The following NAGA variants were observed in gnomAD, a reference collection of about 807,000 sequenced individuals.
NAGA encodes alpha-N-acetylgalactosaminidase.
In NAGA, 42 loss-of-function variants were observed where a neutral mutation model predicts 45.6. The ratio of observed to expected loss-of-function variants is 0.92; its 90% confidence interval spans 0.72 to 1.19. The LOEUF is 1.19. Among genes scored for constraint, NAGA ranks in the 50% most tolerant of loss-of-function variants. NAGA has a pLI of 0.00. For missense variants in NAGA, 493 were observed against 544.8 expected (o/e 0.90, Z 0.95); for synonymous variants, 176 against 203.1 (o/e 0.87, Z 1.13).
intron 7 of NAGA, 113 bp from the exon 8 acceptor site, chr22:42,061,180 C>T: frequency 7.2e-7 from 1 of 1,382,454 alleles, no homozygotes; most frequent in Non-Finnish European, 1.0e-6. Context: ...CCATGTCACA[C>T]AGGTTTAGGG....
intron 5 of NAGA, among the ~76,000 whole-genome samples, chr22:42,066,507 A>C (rs1443319924): frequency 6.6e-6 from 1 of 151,720 alleles, no homozygotes; most frequent in Admixed American, 6.6e-5. Context: ...CCTCCAACAC[A>C]CACACCTCTC....
Position 42,067,908 on chromosome 22 carries a change from G to T in NAGA, c.181C>A (p.Arg61=). Residue 61 remains arginine (R), a synonymous_variant, in exon 3 of 9, where the codon CGG becomes AGG. Coordinates refer to ENST00000396398, the MANE Select transcript of NAGA (RefSeq NM_000262.3). ...SEQLFMEMAD[R]MAQDGWRDMG... Reference sequence around the variant, plus strand: ...TCCCGCCATCCATCCTGTGCCATCCGGTCAGCCATCTCCATGAAGAGCTGT... The same window carrying T: ...TCCCGCCATCCATCCTGTGCCATCCTGTCAGCCATCTCCATGAAGAGCTGT... The T allele has an allele frequency of 6.2e-7, 1 of 1,613,632 alleles. No homozygotes were observed. The highest frequency in any genetic ancestry group is 8.5e-7 in the Non-Finnish European group (1 of 1,179,986).
chr22:42,062,943 A>T lies in NAGA; in HGVS notation c.841T>A (p.Leu281Met), dbSNP rs1471860541. The T allele has an allele frequency of 3.7e-6, 6 of 1,614,116 alleles. No individual in the cohort carries two copies. Among genetic ancestry groups the T allele is most frequent in the Non-Finnish European group, 5.1e-6 (6 of 1,180,004 alleles). The change falls in exon 7 of 9, where the codon TTG becomes ATG. Residue 281 changes from leucine to methionine, a missense_variant. Coordinates refer to ENST00000396398, the MANE Select transcript of NAGA (RefSeq NM_000262.3). The stretch of plus-strand genomic sequence containing the variant: ...ATGGTACGCAGGTCTGTGGACATCA[A>T]GAGGGGGGCTGCCAGCACCGTCCAC... ...ALWTVLAAPL[L>M]MSTDLRTISA...
Position 42,067,641 on chromosome 22 carries a change from G to A in NAGA, c.324+124C>T, listed in dbSNP as rs559203881. On this transcript the variant is annotated intron_variant, in intron 3 of 8. Coordinates refer to ENST00000396398, the MANE Select transcript of NAGA (RefSeq NM_000262.3). Reference sequence around the variant, plus strand: ...TCAACAGAATAGGCCAAAAGTCGGTGTTCATTTGTCTGTTTCCCCCACTAG... The same window carrying A: ...TCAACAGAATAGGCCAAAAGTCGGTATTCATTTGTCTGTTTCCCCCACTAG... 9 of 846,942 alleles carry A rather than the reference G, an allele frequency of 1.1e-5. No individual in the cohort carries two copies. In the Admixed American group the frequency reaches 1.4e-4, roughly 13 times the overall value. The allele number at this position is 846,942 out of a possible 1,614,324, so 52.5% of individuals were successfully genotyped here.
chr22:42,060,913 C>T lies in NAGA; in HGVS notation c.1101+11G>A, dbSNP rs755551148. On this transcript the variant is annotated intron_variant, in intron 8 of 8. Coordinates refer to ENST00000396398, the MANE Select transcript of NAGA (RefSeq NM_000262.3). ...GCCCAGGCGGGTGGCTGCAGGCAGC[C>T]GGGTGCTCACCTCATATATCACAGA... 2.6e-5 allele frequency: 42 copies of T among 1,613,972 alleles called. No homozygotes were observed. The highest frequency in any genetic ancestry group is 5.0e-5 in the Admixed American group (3 of 60,002).
At chr22:42,069,152 A>ACCC (rs905769399) in intron 1 of NAGA, among the ~76,000 whole-genome samples, 3 of 151,986 alleles carry the variant, frequency 2.0e-5, no homozygotes, top group African/African-American at 7.3e-5. Context: ...GATCACTTGA[A>ACCC]CCCCAGAGGC....
chr22:42,068,015 A>T, intron 2 of NAGA, 79 bp from the exon 3 acceptor site: 1 of 1,361,052 alleles, frequency 7.3e-7, no homozygotes, highest in Non-Finnish European at 1.0e-6. Context: ...CTCTGATTGA[A>T]TCTGGGCTAT....
Position 42,067,915 on chromosome 22 carries a change from C to T in NAGA, c.174G>A (p.Met58Ile). 1 of 1,613,668 alleles carries T rather than the reference C, an allele frequency of 6.2e-7. No individual in the cohort carries two copies. Among genetic ancestry groups the T allele is most frequent in the Non-Finnish European group, 8.5e-7 (1 of 1,179,994 alleles). ...ATCCATCCTGTGCCATCCGGTCAGC[C>T]ATCTCCATGAAGAGCTGTTCACTAG... Reference protein sequence around the residue: ...NCISEQLFMEMADRMAQDGWR... With the variant: ...NCISEQLFMEIADRMAQDGWR... Residue 58 changes from methionine to isoleucine, a missense_variant, in exon 3 of 9, where the codon ATG (methionine) becomes ATA (isoleucine). Coordinates refer to ENST00000396398, the MANE Select transcript of NAGA (RefSeq NM_000262.3).
At position 42,067,156 on chromosome 22, in the gene NAGA, G is replaced by A. The variant is rs199946665; in HGVS notation, c.459C>T (p.Leu153=). The change falls in exon 4 of 9, where the codon CTC becomes CTT. Residue 153 remains leucine (L), a synonymous_variant. Coordinates refer to ENST00000396398, the MANE Select transcript of NAGA (RefSeq NM_000262.3). ...GGGTGGAGAAGCAGCCATCCAGCTT[G>A]AGCATGTCTACCTTCCACTCGGCGA... The part of the protein sequence containing the change: ...QTFAEWKVDM[L]KLDGCFSTPE... 93 of 1,614,032 alleles carry A rather than the reference G, an allele frequency of 5.8e-5. No homozygotes were observed. The highest frequency in any genetic ancestry group is 1.6e-4 in the Middle Eastern group (1 of 6,084).
rs1926192847 is a variant in NAGA at position 42,058,677 on chromosome 22, G to C, written c.*1602C>G. ...AGCTATCTTGGGCTGAAAGGTAAGG[G>C]AATTAATTGGTCAAGTCCAGGCTCA... On this transcript the variant is annotated 3_prime_UTR_variant, in exon 9 of 9. Coordinates refer to ENST00000396398, the MANE Select transcript of NAGA (RefSeq NM_000262.3). The C allele has an allele frequency of 6.6e-6, 1 of 152,178 alleles. No homozygotes were observed. Among genetic ancestry groups the C allele is most frequent in the Admixed American group, 6.5e-5 (1 of 15,284 alleles). 9.4% of individuals were successfully genotyped at this position (152,178 alleles called of 1,614,324 possible).
chr22:42,062,461 G>T (rs981542909), intron 7 of NAGA, among the ~76,000 whole-genome samples: 1 of 152,178 alleles, frequency 6.6e-6, no homozygotes, highest in African/African-American at 2.4e-5. Context: ...GTGAGACCCT[G>T]TCTCAAAAAC....
Position 42,068,531 on chromosome 22 carries a change from A to G in NAGA, c.60T>C (p.Asn20=), listed in dbSNP as rs754335167. The G allele has an allele frequency of 3.1e-6, 5 of 1,614,092 alleles. No individual in the cohort carries two copies. Among genetic ancestry groups the G allele is most frequent in the Non-Finnish European group, 4.2e-6 (5 of 1,180,012 alleles). The part of the protein sequence containing the change: ...GHVAQVLMLD[N]GLLQTPPMGW... ...CCATGGGTGGTGTCTGCAGGAGCCC[A>G]TTGTCCAGCATCAGCACCTGGGCCA... Residue 20 remains asparagine, a synonymous_variant, in exon 2 of 9, where the codon AAT becomes AAC. Coordinates refer to ENST00000396398, the MANE Select transcript of NAGA (RefSeq NM_000262.3).
chr22:42,070,027 A>G (rs192695924), intron 1 of NAGA, among the ~76,000 whole-genome samples: 1 of 152,342 alleles, frequency 6.6e-6, no homozygotes, highest in East Asian at 1.9e-4. Context: ...GGGACTGTAC[A>G]GGCGGTTCTC....
intron 5 of NAGA, 116 bp downstream of exon 5, chr22:42,066,594 A>C: frequency 3.2e-6 from 3 of 945,602 alleles, no homozygotes; most frequent in Non-Finnish European, 4.8e-6. Context: ...CCATATGGGC[A>C]CCTGTGGTGA....
intron 2 of NAGA, 77 bp from the exon 3 acceptor site, chr22:42,068,013 G>C: frequency 7.3e-7 from 1 of 1,360,752 alleles, no homozygotes; most frequent in Non-Finnish European, 1.0e-6. Flanking sequence ...AGCTCTGATT[G>C]AATCTGGGCT....
At chr22:42,069,493 G>A (rs1017539966) in intron 1 of NAGA, among the ~76,000 whole-genome samples, 19 of 151,790 alleles carry the variant, frequency 1.3e-4, no homozygotes, top group African/African-American at 4.6e-4. Flanking sequence ...GTGAGTGCCT[G>A]TAATCCCAGC....
At chr22:42,063,585 G>A (rs539240421) in intron 6 of NAGA, among the ~76,000 whole-genome samples, 24 of 152,286 alleles carry the variant, frequency 1.6e-4, no homozygotes, top group Admixed American at 3.9e-4. Context: ...AAAACTTTTT[G>A]TTCTGTTAGC....
chr22:42,061,118 T>C (rs1926358818), intron 7 of NAGA, 51 bp from the exon 8 acceptor site: 12 of 1,601,594 alleles, frequency 7.5e-6, no homozygotes, highest in Non-Finnish European at 1.0e-5. Context: ...AGACAGGACC[T>C]ACCATTGCCT....
intron 6 of NAGA, 63 bp downstream of exon 6, chr22:42,065,675 G>A (rs1926679944): frequency 6.2e-7 from 1 of 1,603,480 alleles, no homozygotes; most frequent in Non-Finnish European, 8.5e-7. Flanking sequence ...GAAAGCACAG[G>A]GCAGTGGGGA....
Sources: allele counts gnomAD v4.1 joint callset (sites outside exome capture counted in the v4.1 genomes callset), GRCh38; gene constraint gnomAD v4.1.1; transcripts MANE v1.5; gene names NCBI Gene and HGNC (gene_info 2026-07-23, HGNC 2026-07-21).